Variants in CCDC102B observed in about 807,000 individuals in gnomAD.
CCDC102B encodes coiled-coil domain-containing protein 102B.
A neutral mutation model predicts 57.4 loss-of-function variants in CCDC102B; 75 were observed. That is an observed-to-expected ratio of 1.31 (90% CI 1.08 to 1.58). The LOEUF (loss-of-function observed/expected upper bound fraction) is 1.58, where lower values mean the gene tolerates loss of function less well. Among genes scored for constraint, CCDC102B ranks in the 40% most tolerant of loss-of-function variants. The pLI is 0.00. For synonymous variants in CCDC102B, 206 were observed against 201.9 expected (o/e 1.02, Z -0.17); for missense variants, 636 against 582.6 (o/e 1.09, Z -0.94).
intron 5 of CCDC102B, among the ~76,000 whole-genome samples, chr18:68,884,584 ACAC>A (rs2039811289): frequency 4.3e-5 from 2 of 46,792 alleles, no homozygotes; most frequent in Non-Finnish European, 9.2e-5. Flanking sequence ...CAATACAAAT[ACAC>A]ACACACACAC....
At chr18:68,736,135 A>AT (rs559658605) in intron 2 of CCDC102B, among the ~76,000 whole-genome samples, 7 of 152,214 alleles carry the variant, frequency 4.6e-5, no homozygotes, top group African/African-American at 1.2e-4. Flanking sequence ...AATTTTTAGG[A>AT]TTTTTTTTAA....
At chr18:68,981,100 G>A (rs918279128) in intron 6 of CCDC102B, among the ~76,000 whole-genome samples, 1 of 151,838 alleles carries the variant, frequency 6.6e-6, no homozygotes, top group Non-Finnish European at 1.5e-5. Context: ...TTACTTTTTT[G>A]TTTTTCAAAT....
At chr18:68,718,982 A>C (rs1158412498) in intron 2 of CCDC102B, among the ~76,000 whole-genome samples, 1 of 152,212 alleles carries the variant, frequency 6.6e-6, no homozygotes, top group Admixed American at 6.5e-5. Flanking sequence ...TTACGTTAAA[A>C]ATACTAGAAC....
chr18:68,795,025 T>TAACAAAAAAAA (rs2035583566), upstream of CCDC102B, among the ~76,000 whole-genome samples: 1 of 134,540 alleles, frequency 7.4e-6, no homozygotes, highest in African/African-American at 2.8e-5. Flanking sequence ...AACTCGCCAG[T>TAACAAAAAAAA]AAAAAAAAAA....
chr18:68,857,397 A>T (rs1431970266), intron 4 of CCDC102B, among the ~76,000 whole-genome samples: 1 of 124,274 alleles, frequency 8.0e-6, no homozygotes, highest in African/African-American at 3.1e-5. Flanking sequence ...TTATTATTTA[A>T]ATATATAAAT....
At chr18:68,728,114 C>T (rs1478838903) in intron 2 of CCDC102B, among the ~76,000 whole-genome samples, 2 of 152,112 alleles carry the variant, frequency 1.3e-5, no homozygotes, top group Admixed American at 6.6e-5. Flanking sequence ...AATGAGTGGA[C>T]ATTCTGGAGG....
At chr18:68,817,149 C>G (rs933877479) in intron 1 of CCDC102B, among the ~76,000 whole-genome samples, 1 of 152,122 alleles carries the variant, frequency 6.6e-6, no homozygotes, top group African/African-American at 2.4e-5. Context: ...TTCTTGATGA[C>G]TTTTATAAAA....
At chr18:68,963,516 C>T (rs542037349) in intron 6 of CCDC102B, among the ~76,000 whole-genome samples, 44 of 151,896 alleles carry the variant, frequency 2.9e-4, no homozygotes, top group African/African-American at 9.4e-4. Context: ...TTTATTACCC[C>T]GTGTTAATTA....
At chr18:69,039,584 G>GTT (rs2052380110) in intron 7 of CCDC102B, among the ~76,000 whole-genome samples, 2 of 151,908 alleles carry the variant, frequency 1.3e-5, no homozygotes, top group African/African-American at 4.8e-5. Flanking sequence ...AATTATATGT[G>GTT]TCAGTTTGGT....
intron 4 of CCDC102B, among the ~76,000 whole-genome samples, chr18:68,849,488 G>T (rs2038027154): frequency 6.6e-6 from 1 of 151,950 alleles, no homozygotes; most frequent in Non-Finnish European, 1.5e-5. Context: ...CCCCGGACAG[G>T]GCCACTATCA....
intron 4 of CCDC102B, among the ~76,000 whole-genome samples, chr18:68,855,984 C>T (rs528468536): frequency 5.3e-4 from 80 of 152,180 alleles, no homozygotes; most frequent in African/African-American, 1.5e-3. Context: ...GCCACTTTCT[C>T]GTGTTTGGTA....
intron 6 of CCDC102B, among the ~76,000 whole-genome samples, chr18:68,906,643 G>A (rs1275210241): frequency 6.6e-6 from 1 of 151,980 alleles, no homozygotes; most frequent in African/African-American, 2.4e-5. Flanking sequence ...TATCTTCTTG[G>A]CAGTTATGTG....
intron 6 of CCDC102B, among the ~76,000 whole-genome samples, chr18:68,899,075 G>A (rs2040344475): frequency 6.6e-6 from 1 of 150,720 alleles, no homozygotes; most frequent in Non-Finnish European, 1.5e-5. Context: ...TCACTTAGAA[G>A]ACTGTAGGAT....
intron 7 of CCDC102B, among the ~76,000 whole-genome samples, chr18:69,035,164 C>T (rs1444273698): frequency 6.6e-6 from 1 of 151,948 alleles, no homozygotes; most frequent in Admixed American, 6.6e-5. Context: ...ATATTAGAAA[C>T]ACTATTGTTT....
chr18:68,904,558 T>C (rs7242949), intron 6 of CCDC102B, among the ~76,000 whole-genome samples: 138,883 of 152,178 alleles, frequency 0.91, 63,440 homozygotes, highest in East Asian at 0.99. Flanking sequence ...TTTAAAGTAC[T>C]ATTTCTTAAT....
chr18:68,988,582 A>C (rs1328865489), intron 6 of CCDC102B, among the ~76,000 whole-genome samples: 3 of 152,188 alleles, frequency 2.0e-5, no homozygotes, highest in African/African-American at 7.2e-5. Context: ...AAAAGGAAAA[A>C]AAAGAATTAC....
intron 2 of CCDC102B, among the ~76,000 whole-genome samples, chr18:68,775,024 TTC>T (rs1297123798): frequency 6.6e-6 from 1 of 151,078 alleles, no homozygotes; most frequent in Non-Finnish European, 1.5e-5. Flanking sequence ...CTTTCTTCTT[TTC>T]TGTTTTTTTT....
intron 6 of CCDC102B, among the ~76,000 whole-genome samples, chr18:68,912,641 G>A (rs780929501): frequency 5.3e-5 from 8 of 152,168 alleles, no homozygotes; most frequent in Non-Finnish European, 1.0e-4. Context: ...TGTATTGATT[G>A]TTAAGAGGCA....
chr18:68,836,129 A>G (rs1036416605), intron 1 of CCDC102B, among the ~76,000 whole-genome samples: 1 of 152,346 alleles, frequency 6.6e-6, no homozygotes, highest in Non-Finnish European at 1.5e-5. Context: ...TGTATTTCGT[A>G]GTGGACAATG....
Sources: gnomAD v4.1 joint callset for allele counts (sites outside exome capture counted in the v4.1 genomes callset) on GRCh38, gnomAD v4.1.1 for gene constraint, MANE v1.5 for transcripts, NCBI Gene and HGNC (gene_info 2026-07-23, HGNC 2026-07-21) for gene names.